Variants in DLG2 observed in about 807,000 individuals in gnomAD.
DLG2 encodes the protein discs large MAGUK scaffold protein 2, also known as disks large homolog 2.
DLG2 carries 45 observed loss-of-function variants against 132.5 expected under a neutral mutation model. The observed-to-expected ratio is 0.34, with a 90% CI of 0.27 to 0.44. DLG2 has a LOEUF of 0.44. DLG2 is among the 20% of genes least tolerant of loss of function. DLG2 has a pLI of 1.00. For missense variants in DLG2, 1,045 were observed against 1,196.9 expected, an observed-to-expected ratio of 0.87 and a Z score of 1.87; for synonymous variants, 424 against 419.6, an observed-to-expected ratio of 1.01 and a Z score of -0.13.
chr11:83,531,465 C>T (rs919759976), intron 21 of DLG2, among the ~76,000 whole-genome samples: 28 of 152,096 alleles, frequency 1.8e-4, no homozygotes, highest in East Asian at 1.7e-3. Flanking sequence ...GATACCACTT[C>T]GTACCAACTA....
In DLG2 at chr11:83,509,688, T is replaced by A. The variant is rs1340994675; in HGVS notation, c.2193+23020A>T. ...GTTAGTGTATGTTGTAAGTAATGGG[T>A]TATAGACAAAGAACATCCAGGTTGA... On this transcript the variant is annotated intron_variant, in intron 21 of 27. Coordinates refer to ENST00000376104, the MANE Select transcript of DLG2 (RefSeq NM_001142699.3). Among the ~76,000 whole-genome samples, 3 of 152,090 alleles carry A rather than the reference T, an allele frequency of 2.0e-5. No individual in the cohort carries two copies. In the East Asian group the frequency reaches 5.8e-4, roughly 29 times the overall value.
intron 6 of DLG2, among the ~76,000 whole-genome samples, chr11:84,714,591 CTCTTTCTT>C (rs111520026): frequency 6.2e-5 from 7 of 113,700 alleles, no homozygotes; most frequent in African/African-American, 2.9e-4. Context: ...CTTTCTCTTT[CTCTTTCTT>C]TCTCTTTCTC....
chr11:85,436,383 T>C (rs929174595), intron 3 of DLG2, among the ~76,000 whole-genome samples: 1 of 152,114 alleles, frequency 6.6e-6, no homozygotes, highest in Non-Finnish European at 1.5e-5. Flanking sequence ...TCCTACAGAA[T>C]GGGAGAAAAT....
chr11:85,072,083 T>C (rs528355422), intron 6 of DLG2, among the ~76,000 whole-genome samples: 1 of 151,986 alleles, frequency 6.6e-6, no homozygotes, highest in Admixed American at 6.6e-5. Context: ...GAATACAAAA[T>C]GATGTGTATT....
chr11:84,676,001 G>A (rs1471509738), intron 6 of DLG2, among the ~76,000 whole-genome samples: 1 of 151,980 alleles, frequency 6.6e-6, no homozygotes, highest in Admixed American at 6.6e-5. Context: ...TAGCTACATA[G>A]CAGAAAGGCA....
intron 8 of DLG2, among the ~76,000 whole-genome samples, chr11:84,176,637 G>A (rs372844687): frequency 2.0e-5 from 3 of 152,022 alleles, no homozygotes; most frequent in African/African-American, 7.2e-5. Context: ...AGTTTGAAAG[G>A]GGTCATGCAT....
intron 6 of DLG2, among the ~76,000 whole-genome samples, chr11:85,068,249 G>A (rs1255630293): frequency 6.6e-6 from 1 of 152,066 alleles, no homozygotes; most frequent in Non-Finnish European, 1.5e-5. Flanking sequence ...ACAAGACAGG[G>A]ATGCCCTCTC....
chr11:85,328,598 T>C (rs2081529538), intron 3 of DLG2, among the ~76,000 whole-genome samples: 1 of 95,088 alleles, frequency 1.1e-5, no homozygotes, highest in Non-Finnish European at 2.1e-5. Context: ...AAACTCTCAA[T>C]AAATTAGGTA....
chr11:83,591,264 C>G (rs1465330822), intron 19 of DLG2, among the ~76,000 whole-genome samples: 1 of 133,060 alleles, frequency 7.5e-6, no homozygotes, highest in Non-Finnish European at 1.6e-5. Context: ...CAAAACGAAT[C>G]CAGCAGCACA....
chr11:84,887,600 T>C (rs1600859078), intron 6 of DLG2, among the ~76,000 whole-genome samples: 1 of 152,120 alleles, frequency 6.6e-6, no homozygotes, highest in African/African-American at 2.4e-5. Flanking sequence ...TCCAGTCCAC[T>C]TAATTAGGAT....
chr11:84,962,262 T>C (rs991627138), intron 6 of DLG2, among the ~76,000 whole-genome samples: 1 of 152,210 alleles, frequency 6.6e-6, no homozygotes, highest in African/African-American at 2.4e-5. Flanking sequence ...AAACACGTAG[T>C]AGAGATAGAG....
intron 23 of DLG2, among the ~76,000 whole-genome samples, chr11:83,472,255 G>A (rs942100503): frequency 3.9e-5 from 6 of 152,142 alleles, no homozygotes; most frequent in Non-Finnish European, 5.9e-5. Context: ...GTCCCCATCT[G>A]ATGCTTGAAT....
At chr11:84,722,640 A>T (rs1480924827) in intron 6 of DLG2, among the ~76,000 whole-genome samples, 2 of 152,202 alleles carry the variant, frequency 1.3e-5, no homozygotes, top group Non-Finnish European at 2.9e-5. Flanking sequence ...CTACATTTTA[A>T]TCAGCCCCCT....
chr11:83,661,868 A>T (rs1358673318), intron 18 of DLG2, among the ~76,000 whole-genome samples: 1 of 152,240 alleles, frequency 6.6e-6, no homozygotes, highest in Non-Finnish European at 1.5e-5. Context: ...AAGCATCAGG[A>T]CAGAGCGAAT....
intron 7 of DLG2, among the ~76,000 whole-genome samples, chr11:84,518,173 C>A (rs2099279426): frequency 1.1e-5 from 1 of 93,306 alleles, no homozygotes; most frequent in African/African-American, 4.3e-5. Context: ...AACGTAACAA[C>A]TGGTCCCAGT....
At chr11:85,012,662 T>A (rs2059240859) in intron 6 of DLG2, among the ~76,000 whole-genome samples, 1 of 152,086 alleles carries the variant, frequency 6.6e-6, no homozygotes, top group Non-Finnish European at 1.5e-5. Flanking sequence ...AATAGATAAA[T>A]CATTGCTTTT....
At chr11:84,191,115 C>A (rs1373010464) in intron 8 of DLG2, among the ~76,000 whole-genome samples, 1 of 152,176 alleles carries the variant, frequency 6.6e-6, no homozygotes, top group Admixed American at 6.5e-5. Context: ...AGCCCTGACT[C>A]TACTGCCTAC....
At chr11:84,120,510 A>G (rs2093858239) in intron 9 of DLG2, among the ~76,000 whole-genome samples, 1 of 152,250 alleles carries the variant, frequency 6.6e-6, no homozygotes, top group African/African-American at 2.4e-5. Context: ...CATCAAAAAT[A>G]AAGCGGGGAA....
intron 3 of DLG2, among the ~76,000 whole-genome samples, chr11:85,507,569 C>G (rs1565606141): frequency 6.6e-6 from 1 of 152,198 alleles, no homozygotes; most frequent in Non-Finnish European, 1.5e-5. Flanking sequence ...AGAGTTTCTG[C>G]CGAGAGATCA....
Sources: allele counts gnomAD v4.1 joint callset (sites outside exome capture counted in the v4.1 genomes callset), GRCh38; gene constraint gnomAD v4.1.1; transcripts MANE v1.5; gene names NCBI Gene and HGNC (gene_info 2026-07-23, HGNC 2026-07-21).